Variants in DPY19L1 observed in about 807,000 individuals in gnomAD.
DPY19L1 encodes dpy-19 like C-mannosyltransferase 1, also known as protein C-mannosyl-transferase DPY19L1.
Under a neutral mutation model 96.9 loss-of-function variants are expected in DPY19L1, and 35 were observed. That is an observed-to-expected ratio of 0.36 (90% confidence interval 0.28 to 0.48). DPY19L1 has a LOEUF of 0.48. Among genes scored for constraint, DPY19L1 ranks in the 20% least tolerant of loss-of-function variants. The pLI is 0.99. For synonymous variants in DPY19L1, 205 were observed against 252.6 expected (o/e 0.81, Z 1.79); for missense variants, 521 against 777.9 (o/e 0.67, Z 3.93).
chr7:34,971,754 GAGA>G (rs1317236836), intron 8 of DPY19L1, among the ~76,000 whole-genome samples: 1 of 152,162 alleles, frequency 6.6e-6, no homozygotes, highest in Admixed American at 6.5e-5. Flanking sequence ...GCCAAAAACA[GAGA>G]AGAACCCAAC....
chr7:35,004,752 T>C (rs985697423), intron 6 of DPY19L1, among the ~76,000 whole-genome samples: 3 of 152,218 alleles, frequency 2.0e-5, no homozygotes, highest in Non-Finnish European at 4.4e-5. Context: ...CTGTTTCTTA[T>C]AAGATCCTCA....
intron 21 of DPY19L1, among the ~76,000 whole-genome samples, chr7:34,937,581 T>C (rs1017011131): frequency 7.2e-5 from 11 of 152,130 alleles, no homozygotes; most frequent in African/African-American, 1.7e-4. Flanking sequence ...CAAATCATTA[T>C]TTAAAAAAAA....
At chr7:35,010,408 T>C (rs1785678094) in intron 6 of DPY19L1, 60 bp downstream of exon 6, 2 of 923,274 alleles carry the variant, frequency 2.2e-6, no homozygotes, top group East Asian at 5.4e-5. Context: ...TGATTAACTA[T>C]TAACTAATCA....
intron 1 of DPY19L1, among the ~76,000 whole-genome samples, chr7:35,024,269 C>T (rs1270504188): frequency 1.3e-5 from 2 of 152,190 alleles, no homozygotes. Flanking sequence ...CATTACTAAC[C>T]CTCAAGTGAC....
At chr7:34,981,687 A>T (rs1249298450) in intron 7 of DPY19L1, among the ~76,000 whole-genome samples, 1 of 152,236 alleles carries the variant, frequency 6.6e-6, no homozygotes, top group Non-Finnish European at 1.5e-5. Flanking sequence ...GTGGTGGCTC[A>T]TGCCTGTAAT....
At chr7:34,956,658 C>G (rs1784386173) in intron 11 of DPY19L1, among the ~76,000 whole-genome samples, 2 of 151,976 alleles carry the variant, frequency 1.3e-5, no homozygotes, top group South Asian at 4.2e-4. Context: ...CGCCCGCCAC[C>G]ATGCCCGGCT....
chr7:34,969,283 A>AAAAATGTTTTAGAAAAACATTTTTCCTAG (rs1407828723), intron 9 of DPY19L1, 150 bp downstream of exon 9: 139 of 428,982 alleles, frequency 3.2e-4, no homozygotes, highest in Admixed American at 5.7e-4. Context: ...AATATTTCTA[A>AAAAATGTTTTAGAAAAACATTTTTCCTAG]AAAATGTTTT....
intron 8 of DPY19L1, among the ~76,000 whole-genome samples, chr7:34,969,767 G>T (rs187415214): frequency 2.0e-3 from 300 of 152,264 alleles, no homozygotes; most frequent in African/African-American, 6.9e-3. Flanking sequence ...GGGTGGGTCA[G>T]TATATCCATG....
intron 6 of DPY19L1, among the ~76,000 whole-genome samples, chr7:34,994,249 AATGTCGTGACTATACAGAGATT>A (rs1412321590): frequency 3.3e-5 from 5 of 152,118 alleles, no homozygotes; most frequent in African/African-American, 1.2e-4. Context: ...CAACAAGCTC[AATGTCGTGACTATACAGAGATT>A]ACACATCATT....
intron 1 of DPY19L1, among the ~76,000 whole-genome samples, chr7:35,021,254 G>T (rs1367912582): frequency 5.3e-5 from 8 of 151,984 alleles, no homozygotes; most frequent in African/African-American, 1.9e-4. Context: ...CCATTAAGTT[G>T]GCCTTTGACC....
chr7:34,940,479 T>C, intron 18 of DPY19L1, 152 bp from the exon 19 acceptor site: 4 of 635,696 alleles, frequency 6.3e-6, no homozygotes, highest in South Asian at 6.5e-5. Flanking sequence ...AATAATAATC[T>C]TTGGGATCAA....
intron 6 of DPY19L1, 69 bp from the exon 7 acceptor site, chr7:34,990,010 CATA>C (rs1003604771): frequency 1.5e-5 from 19 of 1,229,880 alleles, no homozygotes; most frequent in Middle Eastern, 1.9e-4. Context: ...CCTTAAAACA[CATA>C]ATATCATAAC....
chr7:35,018,481 G>T, intron 2 of DPY19L1, 91 bp downstream of exon 2: 1 of 1,175,420 alleles, frequency 8.5e-7, no homozygotes, highest in Non-Finnish European at 1.2e-6. Context: ...TACTGATCAT[G>T]CTGAAATTAT....
intron 1 of DPY19L1, among the ~76,000 whole-genome samples, chr7:35,035,438 G>C (rs1194105435): frequency 6.6e-6 from 1 of 152,156 alleles, no homozygotes; most frequent in Admixed American, 6.5e-5. Flanking sequence ...AAGAAAATAT[G>C]CAGAAAATAG....
intron 6 of DPY19L1, among the ~76,000 whole-genome samples, chr7:34,998,583 T>C (rs1785349383): frequency 6.6e-6 from 1 of 152,158 alleles, no homozygotes. Flanking sequence ...GAATCAGATA[T>C]GTCTCCCGGA....
At chr7:34,960,770 T>C (rs1302172590) in intron 10 of DPY19L1, among the ~76,000 whole-genome samples, 1 of 152,182 alleles carries the variant, frequency 6.6e-6, no homozygotes, top group Non-Finnish European at 1.5e-5. Context: ...TTCAATGAAA[T>C]ATCCGTCTAT....
At chr7:35,016,899 A>G (rs1199766823) in intron 3 of DPY19L1, among the ~76,000 whole-genome samples, 1 of 152,194 alleles carries the variant, frequency 6.6e-6, no homozygotes, top group East Asian at 1.9e-4. Flanking sequence ...CAAAACAAAA[A>G]CAGGTAAAGA....
At chr7:34,977,166 C>A (rs560402252) in intron 7 of DPY19L1, among the ~76,000 whole-genome samples, 1 of 152,264 alleles carries the variant, frequency 6.6e-6, no homozygotes, top group Non-Finnish European at 1.5e-5. Context: ...TTTATATGCA[C>A]TGGAAAACCA....
At position 34,995,382 on chromosome 7, in the gene DPY19L1, C is replaced by T. The variant is rs551979526; in HGVS notation, c.765-5441G>A. On this transcript the variant is annotated intron_variant, in intron 6 of 21. Coordinates refer to ENST00000638088, the MANE Select transcript of DPY19L1 (RefSeq NM_001366673.1). Reference sequence around the variant, plus strand: ...AGAAAATATGAAACCTCCTACTGTGCAAATTTTAAAACATTCTAAGCTTGC... The same window carrying T: ...AGAAAATATGAAACCTCCTACTGTGTAAATTTTAAAACATTCTAAGCTTGC... 3.8e-4 allele frequency among the ~76,000 whole-genome samples: 58 copies of T among 152,096 alleles called. No homozygotes were observed. The South Asian group carries it at 0.012, about 32-fold the overall frequency.
Sources: allele counts gnomAD v4.1 joint callset (sites outside exome capture counted in the v4.1 genomes callset), GRCh38; gene constraint gnomAD v4.1.1; transcripts MANE v1.5; gene names NCBI Gene and HGNC (gene_info 2026-07-23, HGNC 2026-07-21).